Variants in GLRB observed in about 807,000 individuals in gnomAD.
The protein encoded by GLRB is glycine receptor beta, also known as glycine receptor subunit beta.
In GLRB, 33 loss-of-function variants were observed where a neutral mutation model predicts 54.2. The ratio of observed to expected loss-of-function variants is 0.61; its 90% CI spans 0.46 to 0.81. The LOEUF is 0.81. Ranked by LOEUF, GLRB falls within the 40% of genes least tolerant of loss-of-function variation. The probability of loss-of-function intolerance (pLI) is 0.00; values close to 1 mark genes in which losing one functional copy is unlikely to be tolerated. For missense variants in GLRB, 572 were observed against 584.6 expected (o/e 0.98, Z 0.22); for synonymous variants, 209 against 208.2 (o/e 1.00, Z -0.03).
chr4:157,124,692 TTTTGAAAAC>T, intron 4 of GLRB, among the ~76,000 whole-genome samples: 1 of 151,806 alleles, frequency 6.6e-6, no homozygotes, highest in Non-Finnish European at 1.5e-5. Flanking sequence ...CAGAGTGTAA[TTTTGAAAAC>T]TTTGAAAACC....
At chr4:157,126,240 A>T (rs567465140) in intron 4 of GLRB, among the ~76,000 whole-genome samples, 2 of 151,894 alleles carry the variant, frequency 1.3e-5, no homozygotes, top group Non-Finnish European at 2.9e-5. Context: ...CTCTAAATTT[A>T]GATGCTAAAT....
rs767568680 is a variant in GLRB at position 157,170,934 on chromosome 4, T to G, written c.*206T>G. 9 of 459,566 alleles carry G rather than the reference T, an allele frequency of 2.0e-5. No homozygotes were observed. The highest frequency in any genetic ancestry group is 3.9e-5 in the African/African-American group (2 of 50,742). The allele number at this position is 459,566 out of a possible 1,614,324, so 28.5% of individuals were successfully genotyped here. A position where few individuals can be genotyped will look rare whatever the true frequency, so the allele number is the denominator to read the frequency against. ...GCTCTAATAACGATGTATATATGTA[T>G]AGTGAACATATTGCTTAGTAACAAA... On this transcript the variant is annotated 3_prime_UTR_variant, in exon 10 of 10. Coordinates refer to ENST00000264428, the MANE Select transcript of GLRB (RefSeq NM_000824.5).
At chr4:157,147,756 T>G (rs962682302) in intron 8 of GLRB, among the ~76,000 whole-genome samples, 2 of 152,044 alleles carry the variant, frequency 1.3e-5, no homozygotes, top group African/African-American at 4.8e-5. Context: ...CAAAATGCAT[T>G]TGCCCCAAAG....
intron 3 of GLRB, 84 bp downstream of exon 3, chr4:157,120,746 A>C: frequency 1.5e-6 from 1 of 672,938 alleles, no homozygotes; most frequent in East Asian, 3.1e-5. Context: ...TTTTATATGT[A>C]TATGCTTTGT....
intron 2 of GLRB, among the ~76,000 whole-genome samples, chr4:157,082,933 C>CAGACAA (rs1734273723): frequency 6.7e-6 from 1 of 148,384 alleles, no homozygotes; most frequent in Admixed American, 6.8e-5. Flanking sequence ...AAAAATATTA[C>CAGACAA]ATAATAATTA....
At chr4:157,126,966 T>A (rs1434638067) in intron 4 of GLRB, among the ~76,000 whole-genome samples, 1 of 151,876 alleles carries the variant, frequency 6.6e-6, no homozygotes, top group African/African-American at 2.4e-5. Context: ...CATGATCCTG[T>A]CAGACTTTCT....
intron 9 of GLRB, among the ~76,000 whole-genome samples, chr4:157,155,577 G>A (rs1468314258): frequency 2.0e-5 from 3 of 152,164 alleles, no homozygotes; most frequent in African/African-American, 7.2e-5. Context: ...AATTCTATAT[G>A]CATTTCTTTT....
chr4:157,147,244 A>G (rs1736847041), intron 8 of GLRB, among the ~76,000 whole-genome samples: 1 of 152,250 alleles, frequency 6.6e-6, no homozygotes, highest in Admixed American at 6.5e-5. Flanking sequence ...AGGGACTGAG[A>G]AAATGAGGAA....
chr4:157,142,205 G>A (rs1249446091), intron 7 of GLRB, among the ~76,000 whole-genome samples: 1 of 152,050 alleles, frequency 6.6e-6, no homozygotes, highest in African/African-American at 2.4e-5. Context: ...CAGGCAGAGA[G>A]TTAAGGGGAA....
rs571074596 is a variant in GLRB at position 157,171,029 on chromosome 4, C to T, written c.*301C>T. The T allele has an allele frequency of 3.6e-4, 71 of 199,518 alleles. 1 individual carries two copies. Among genetic ancestry groups the T allele is most frequent in the Non-Finnish European group, 6.5e-4 (64 of 98,890 alleles). The allele number at this position is 199,518 out of a possible 1,614,324, so 12.4% of individuals were successfully genotyped here. A position where few individuals can be genotyped will look rare whatever the true frequency, so the allele number is the denominator to read the frequency against. ...CAGTTAGTGTAAACTGCAAATACTA[C>T]AGATAATTCTGATAATAAAATGATA... is the stretch of plus-strand genomic sequence containing the variant. On this transcript the variant is annotated 3_prime_UTR_variant, in exon 10 of 10. Transcript: ENST00000264428.
chr4:157,161,339 T>C (rs1737480226), intron 9 of GLRB, among the ~76,000 whole-genome samples: 1 of 152,212 alleles, frequency 6.6e-6, no homozygotes, highest in African/African-American at 2.4e-5. Context: ...CATTTAAGGT[T>C]AATATTGTTA....
chr4:157,158,183 T>G (rs976312919), intron 9 of GLRB, among the ~76,000 whole-genome samples: 14 of 152,042 alleles, frequency 9.2e-5, no homozygotes, highest in Admixed American at 7.2e-4. Flanking sequence ...TTGATGGGTT[T>G]TTTTTTCTTG....
intron 7 of GLRB, among the ~76,000 whole-genome samples, chr4:157,142,686 A>C (rs1736660752): frequency 6.6e-6 from 1 of 152,154 alleles, no homozygotes; most frequent in African/African-American, 2.4e-5. Context: ...AAAATAGGAA[A>C]AAGTAACATT....
At chr4:157,148,203 T>G (rs775146957) in intron 8 of GLRB, among the ~76,000 whole-genome samples, 1 of 152,214 alleles carries the variant, frequency 6.6e-6, no homozygotes, top group Non-Finnish European at 1.5e-5. Flanking sequence ...CTTTTAATGT[T>G]AGGCTGTAGT....
At chr4:157,100,702 G>A (rs1406101421) in intron 2 of GLRB, among the ~76,000 whole-genome samples, 1 of 152,016 alleles carries the variant, frequency 6.6e-6, no homozygotes, top group Non-Finnish European at 1.5e-5. Context: ...AAACATGGAG[G>A]CAAAGCAAAC....
chr4:157,122,397 G>A lies in GLRB; in HGVS notation c.297G>A (p.Met99Ile). Residue 99 changes from methionine to isoleucine, a missense_variant and splice_region_variant, in exon 4 of 10, where the codon ATG becomes ATA. Met to Ile is a conservative substitution (Grantham distance 10). Coordinates refer to ENST00000264428, the MANE Select transcript of GLRB (RefSeq NM_000824.5). ...NSFGSIQETT[M>I]DYRVNIFLRQ... Reference sequence around the variant, plus strand: ...TTGGATCCATTCAAGAAACAACAATGGTAAGATTGCAATTAATTTAATATT... The same window carrying A: ...TTGGATCCATTCAAGAAACAACAATAGTAAGATTGCAATTAATTTAATATT... 1 of 1,127,782 alleles carries A rather than the reference G, an allele frequency of 8.9e-7. No individual in the cohort carries two copies. Among genetic ancestry groups the A allele is most frequent in the South Asian group, 1.4e-5 (1 of 73,434 alleles). 69.9% of individuals were successfully genotyped at this position (1,127,782 alleles called of 1,614,324 possible).
chr4:157,137,669 T>C (rs1403349067), intron 6 of GLRB, among the ~76,000 whole-genome samples: 1 of 152,208 alleles, frequency 6.6e-6, no homozygotes, highest in East Asian at 1.9e-4. Flanking sequence ...AAATGGATCC[T>C]AAATTTGAGC....
At chr4:157,167,185 G>A (rs545170097) in intron 9 of GLRB, among the ~76,000 whole-genome samples, 1 of 152,060 alleles carries the variant, frequency 6.6e-6, no homozygotes, top group African/African-American at 2.4e-5. Flanking sequence ...CCTTTATAAT[G>A]GGGAATTCTA....
intron 7 of GLRB, among the ~76,000 whole-genome samples, chr4:157,139,389 T>A (rs1036278038): frequency 6.6e-6 from 1 of 152,072 alleles, no homozygotes; most frequent in African/African-American, 2.4e-5. Flanking sequence ...AAAGCATTGA[T>A]CCTTATGCTA....
Sources: gnomAD v4.1 joint callset for allele counts (sites outside exome capture counted in the v4.1 genomes callset) on GRCh38, gnomAD v4.1.1 for gene constraint, MANE v1.5 for transcripts, NCBI Gene and HGNC (gene_info 2026-07-23, HGNC 2026-07-21) for gene names.